The following LUZP2 variants were observed in gnomAD, a reference collection of about 807,000 sequenced individuals.
LUZP2 encodes the protein leucine zipper protein 2.
LUZP2 carries 52 observed loss-of-function variants against 51.6 expected under a neutral mutation model. That is an observed-to-expected ratio of 1.01 (90% confidence interval 0.81 to 1.27). LUZP2 has a LOEUF of 1.27. LUZP2 is among the 50% of genes most tolerant of loss of function. The pLI is 0.00. For synonymous variants in LUZP2, 154 were observed against 137.3 expected (o/e 1.12, Z -0.85); for missense variants, 436 against 395.4 (o/e 1.10, Z -0.87).
At chr11:24,881,988 T>G (rs993661612) in intron 5 of LUZP2, among the ~76,000 whole-genome samples, 2 of 152,022 alleles carry the variant, frequency 1.3e-5, no homozygotes, top group Non-Finnish European at 2.9e-5. Flanking sequence ...ACTCAATTCC[T>G]TATTTAATTA....
chr11:24,837,323 C>T (rs1287229983), intron 5 of LUZP2, among the ~76,000 whole-genome samples: 5 of 151,616 alleles, frequency 3.3e-5, no homozygotes, highest in Non-Finnish European at 5.9e-5. Context: ...GAGGTAGTTA[C>T]TCATGATGAA....
intron 8 of LUZP2, 149 bp from the exon 9 acceptor site, chr11:24,982,976 GT>G: frequency 1.5e-6 from 1 of 686,038 alleles, no homozygotes; most frequent in East Asian, 2.7e-5. Context: ...ATAAAAGTAT[GT>G]CATAATGAAA....
At chr11:24,866,915 G>A (rs572721400) in intron 5 of LUZP2, among the ~76,000 whole-genome samples, 24 of 152,194 alleles carry the variant, frequency 1.6e-4, no homozygotes, top group South Asian at 4.1e-4. Context: ...TGGGAGATGA[G>A]ACTGGAGATA....
intron 1 of LUZP2, among the ~76,000 whole-genome samples, chr11:24,699,717 ATATT>A (rs1410144485): frequency 2.0e-5 from 3 of 149,164 alleles, no homozygotes; most frequent in Admixed American, 6.7e-5. Context: ...ACATCATAAT[ATATT>A]TAGGTGCTAT....
chr11:24,931,160 G>A (rs532634618), intron 7 of LUZP2, among the ~76,000 whole-genome samples: 242 of 151,410 alleles, frequency 1.6e-3, no homozygotes, highest in African/African-American at 5.6e-3. Context: ...GCAGTGAGCC[G>A]AGATCACGCC....
chr11:24,777,486 A>T (rs1008111318), intron 5 of LUZP2, among the ~76,000 whole-genome samples: 5 of 152,174 alleles, frequency 3.3e-5, no homozygotes, highest in African/African-American at 1.2e-4. Flanking sequence ...CTTAGTATAA[A>T]CACTATAAAA....
At chr11:24,858,146 T>C (rs10834509) in intron 5 of LUZP2, among the ~76,000 whole-genome samples, 19,757 of 152,114 alleles carry the variant, frequency 0.13, 1,358 homozygotes, top group Admixed American at 0.15. Flanking sequence ...TCTAAAGTAG[T>C]TTCAGCAAAT....
Position 25,077,336 on chromosome 11 carries a change from G to A in LUZP2, c.866G>A (p.Arg289Lys), listed in dbSNP as rs1859340178. 3 of 1,612,002 alleles carry A rather than the reference G, an allele frequency of 1.9e-6. No homozygotes were observed. Among genetic ancestry groups the A allele is most frequent in the Non-Finnish European group, 2.5e-6 (3 of 1,178,472 alleles). The change falls in exon 11 of 12, where the codon AGA (arginine) becomes AAA (lysine). Residue 289 changes from arginine (R) to lysine (K), a missense_variant. Transcript: ENST00000336930. Reference protein sequence around the residue: ...TTACDSQDEGRPCSMKHKESP... With the variant: ...TTACDSQDEGKPCSMKHKESP... Reference sequence around the variant, plus strand: ...TAATTGCTACTTTTGTAGGAGGGCAGACCGTGTTCCATGAAGCACAAAGAA... The same window carrying A: ...TAATTGCTACTTTTGTAGGAGGGCAAACCGTGTTCCATGAAGCACAAAGAA...
Position 24,497,315 on chromosome 11 carries a change from G to A in LUZP2, c.62+10G>A. On this transcript the variant is annotated intron_variant, in intron 1 of 11. Coordinates refer to ENST00000336930, the MANE Select transcript of LUZP2 (RefSeq NM_001009909.4). ...TGGTCCTCAGCACCAGGTGAGTCCA[G>A]GAGCGTGAGTGACCTGAGGCCAGGG... 6.5e-7 allele frequency: 1 copy of A among 1,528,490 alleles called. No individual in the cohort carries two copies. The highest frequency in any genetic ancestry group is 8.8e-7 in the Non-Finnish European group (1 of 1,132,188). The allele number at this position is 1,528,490 out of a possible 1,614,324, so 94.7% of individuals were successfully genotyped here.
At chr11:25,074,091 G>A (rs1859235062) in intron 10 of LUZP2, among the ~76,000 whole-genome samples, 1 of 152,034 alleles carries the variant, frequency 6.6e-6, no homozygotes, top group South Asian at 2.1e-4. Flanking sequence ...CTACAACATT[G>A]GAAATGGGTC....
chr11:24,529,974 C>T (rs1291990068), intron 1 of LUZP2, among the ~76,000 whole-genome samples: 1 of 150,626 alleles, frequency 6.6e-6, no homozygotes, highest in East Asian at 1.9e-4. Context: ...TAAAGTTTGC[C>T]CTGAAAAGAA....
At chr11:24,627,069 T>C (rs1854708672) in intron 1 of LUZP2, among the ~76,000 whole-genome samples, 1 of 152,148 alleles carries the variant, frequency 6.6e-6, no homozygotes, top group African/African-American at 2.4e-5. Context: ...CACTTTTGAT[T>C]GAGTAGAAAG....
chr11:25,031,005 A>AT (rs1857663581), intron 9 of LUZP2, among the ~76,000 whole-genome samples: 1 of 1,840 alleles, frequency 5.4e-4, no homozygotes, highest in South Asian at 9.8e-3. Context: ...TTATATATAT[A>AT]TATATATATA....
At chr11:24,781,786 T>C (rs137921631) in intron 5 of LUZP2, among the ~76,000 whole-genome samples, 208 of 152,160 alleles carry the variant, frequency 1.4e-3, no homozygotes, top group African/African-American at 4.8e-3. Flanking sequence ...CATTTCACAT[T>C]GACTTATAAT....
intron 9 of LUZP2, among the ~76,000 whole-genome samples, chr11:25,036,060 T>G (rs1405291958): frequency 6.6e-6 from 1 of 152,102 alleles, no homozygotes; most frequent in Non-Finnish European, 1.5e-5. Flanking sequence ...CTTCTTTGTA[T>G]GTCTGCTAAA....
intron 5 of LUZP2, among the ~76,000 whole-genome samples, chr11:24,819,117 G>C (rs1455183017): frequency 2.0e-5 from 3 of 151,972 alleles, no homozygotes; most frequent in Non-Finnish European, 4.4e-5. Flanking sequence ...CTGAGAAAAC[G>C]TTTGTTTGTT....
intron 5 of LUZP2, among the ~76,000 whole-genome samples, chr11:24,839,764 G>A (rs564571502): frequency 4.6e-5 from 7 of 151,788 alleles, no homozygotes; most frequent in Non-Finnish European, 7.4e-5. Context: ...TTAAATTATA[G>A]CTGTCTCAGT....
chr11:25,050,291 CTTTTTTTTTTTTTT>C (rs71044331), intron 10 of LUZP2, among the ~76,000 whole-genome samples, 161 bp downstream of exon 10: 11,700 of 77,340 alleles, frequency 0.15, 696 homozygotes, highest in Middle Eastern at 0.28. Flanking sequence ...TCTTTATGTT[CTTTTTTTTTTTTTT>C]TTTTTTTTTT....
intron 1 of LUZP2, among the ~76,000 whole-genome samples, chr11:24,578,660 C>T (rs1008741840): frequency 1.3e-5 from 2 of 151,892 alleles, no homozygotes; most frequent in African/African-American, 4.8e-5. Context: ...AGGCCTTATC[C>T]TAAAAAAATT....
Sources: allele counts gnomAD v4.1 joint callset (sites outside exome capture counted in the v4.1 genomes callset), GRCh38; gene constraint gnomAD v4.1.1; transcripts MANE v1.5; gene names NCBI Gene and HGNC (gene_info 2026-07-23, HGNC 2026-07-21).